Variants in SLCO6A1 observed in about 807,000 individuals in gnomAD.
SLCO6A1 encodes the protein solute carrier organic anion transporter family member 6A1.
A neutral mutation model predicts 72.7 loss-of-function variants in SLCO6A1; 65 were observed. The observed-to-expected ratio is 0.89, with a 90% CI of 0.73 to 1.10. The LOEUF is 1.10. SLCO6A1 is among the 50% of genes least tolerant of loss of function. The probability of loss-of-function intolerance (pLI) is 0.00; values close to 1 mark genes in which losing one functional copy is unlikely to be tolerated. For missense variants in SLCO6A1, 874 were observed against 872.6 expected, an observed-to-expected ratio of 1.00 and a Z score of -0.02; for synonymous variants, 314 against 298.2, an observed-to-expected ratio of 1.05 and a Z score of -0.55.
chr5:102,415,978 A>G (rs1748261817), intron 8 of SLCO6A1, among the ~76,000 whole-genome samples: 2 of 152,144 alleles, frequency 1.3e-5, no homozygotes, highest in African/African-American at 2.4e-5. Flanking sequence ...TTGATCATCA[A>G]ACAAATGCAA....
intron 1 of SLCO6A1, among the ~76,000 whole-genome samples, chr5:102,495,918 T>G (rs1038271523): frequency 1.3e-5 from 2 of 152,136 alleles, no homozygotes; most frequent in Non-Finnish European, 2.9e-5. Flanking sequence ...GAAGAAAGTA[T>G]GAGGAAGTGT....
chr5:102,452,159 T>G (rs1750449080), intron 6 of SLCO6A1, among the ~76,000 whole-genome samples: 1 of 152,180 alleles, frequency 6.6e-6, no homozygotes, highest in African/African-American at 2.4e-5. Context: ...TGAGTCCTAT[T>G]ATGCAAATAT....
intron 8 of SLCO6A1, 120 bp downstream of exon 8, chr5:102,419,706 T>C (rs1748481173): frequency 1.3e-6 from 1 of 799,960 alleles, no homozygotes; most frequent in Non-Finnish European, 1.9e-6. Flanking sequence ...CTTTTATGTG[T>C]TTGATAATTC....
At chr5:102,403,232 G>A (rs2112559947) in intron 9 of SLCO6A1, among the ~76,000 whole-genome samples, 1 of 152,224 alleles carries the variant, frequency 6.6e-6, no homozygotes, top group South Asian at 2.1e-4. Flanking sequence ...TGTGAGCCTT[G>A]AACAGGAGTA....
chr5:102,384,592 T>G (rs1746303984), intron 12 of SLCO6A1, among the ~76,000 whole-genome samples: 1 of 152,158 alleles, frequency 6.6e-6, no homozygotes, highest in Admixed American at 6.5e-5. Flanking sequence ...TGTTTTATGC[T>G]GATAACCACT....
At chr5:102,383,765 G>A (rs1169314318) in intron 12 of SLCO6A1, among the ~76,000 whole-genome samples, 1 of 151,822 alleles carries the variant, frequency 6.6e-6, no homozygotes, top group Non-Finnish European at 1.5e-5. Flanking sequence ...GTTTGAGAAA[G>A]GTTAGTATTA....
At chr5:102,470,497 G>A (rs1231929846) in intron 4 of SLCO6A1, among the ~76,000 whole-genome samples, 2 of 152,174 alleles carry the variant, frequency 1.3e-5, no homozygotes, top group Non-Finnish European at 2.9e-5. Context: ...TGTGGGATCA[G>A]TGGTGATATC....
chr5:102,460,898 T>TCATA (rs1750991644), intron 4 of SLCO6A1, among the ~76,000 whole-genome samples: 2 of 32,586 alleles, frequency 6.1e-5, no homozygotes, highest in South Asian at 9.3e-4. Flanking sequence ...CCCACTTATC[T>TCATA]CATATATATA....
At chr5:102,399,441 C>T in intron 10 of SLCO6A1, 114 bp downstream of exon 10, 1 of 655,894 alleles carries the variant, frequency 1.5e-6, no homozygotes, top group Non-Finnish European at 2.2e-6. Flanking sequence ...TTTTCCTCTG[C>T]ATTTGCTACC....
chr5:102,429,521 C>T (rs10223244), intron 7 of SLCO6A1, among the ~76,000 whole-genome samples: 10,937 of 152,104 alleles, frequency 0.072, 453 homozygotes, highest in African/African-American at 0.1. Flanking sequence ...CTTCTGCATA[C>T]GGCTTGCCAG....
chr5:102,397,951 T>C (rs1747187969), intron 10 of SLCO6A1, among the ~76,000 whole-genome samples: 1 of 152,172 alleles, frequency 6.6e-6, no homozygotes, highest in Non-Finnish European at 1.5e-5. Context: ...TCTAGAATAT[T>C]ACTATTATCT....
chr5:102,412,611 A>T (rs1264925991), intron 9 of SLCO6A1, among the ~76,000 whole-genome samples: 1 of 152,052 alleles, frequency 6.6e-6, no homozygotes, highest in Non-Finnish European at 1.5e-5. Flanking sequence ...AATTACAAAA[A>T]TTAGCTGTGT....
chr5:102,459,865 G>T, intron 4 of SLCO6A1, 88 bp from the exon 5 acceptor site: 1 of 1,164,308 alleles, frequency 8.6e-7, no homozygotes, highest in Non-Finnish European at 1.2e-6. Flanking sequence ...GAAAGTGAGA[G>T]TGAGAGAGGG....
chr5:102,454,970 T>G (rs1750623011), intron 6 of SLCO6A1, among the ~76,000 whole-genome samples: 1 of 142,938 alleles, frequency 7.0e-6, no homozygotes, highest in South Asian at 2.1e-4. Flanking sequence ...CATACACATT[T>G]GTTTTAGGAT....
intron 9 of SLCO6A1, among the ~76,000 whole-genome samples, 157 bp downstream of exon 9, chr5:102,412,833 A>G (rs1488187900): frequency 6.6e-6 from 1 of 152,044 alleles, no homozygotes; most frequent in South Asian, 2.1e-4. Flanking sequence ...AGGGGAAAAT[A>G]AGAAAAAATA....
chr5:102,416,555 G>A (rs1183988902), intron 8 of SLCO6A1, among the ~76,000 whole-genome samples: 1 of 152,054 alleles, frequency 6.6e-6, no homozygotes, highest in Non-Finnish European at 1.5e-5. Context: ...AGAGTGGAAT[G>A]ATAGACCATG....
chr5:102,388,605 A>G, intron 12 of SLCO6A1, 83 bp downstream of exon 12: 1 of 1,068,280 alleles, frequency 9.4e-7, no homozygotes, highest in Admixed American at 3.4e-5. Flanking sequence ...ATGGTTTAAA[A>G]TTATAATTCT....
chr5:102,388,739 G>T lies in SLCO6A1; in HGVS notation c.1966C>A (p.Arg656Ser), dbSNP rs182381825. 2 of 1,604,646 alleles carry T rather than the reference G, an allele frequency of 1.2e-6. No individual in the cohort carries two copies. Among genetic ancestry groups the T allele is most frequent in the Non-Finnish European group, 1.7e-6 (2 of 1,176,542 alleles). The part of the protein sequence containing the change: ...RDVNKCGHTG[R>S]CWIYNKTKMA... The stretch of plus-strand genomic sequence containing the variant: ...TTTGTCTTGTTATATATCCAACAAC[G>T]TCCTGTGTGTCCACATTTATTAACA... The change falls in exon 12 of 14, where the codon CGT becomes AGT. Residue 656 changes from arginine to serine, a missense_variant. Coordinates refer to ENST00000506729, the MANE Select transcript of SLCO6A1 (RefSeq NM_173488.5).
chr5:102,427,268 A>G (rs1748943494), intron 7 of SLCO6A1, among the ~76,000 whole-genome samples: 1 of 152,150 alleles, frequency 6.6e-6, no homozygotes, highest in South Asian at 2.1e-4. Flanking sequence ...TGTATTAAAA[A>G]AAGATAAAAG....
Sources: allele counts gnomAD v4.1 joint callset (sites outside exome capture counted in the v4.1 genomes callset), GRCh38; gene constraint gnomAD v4.1.1; transcripts MANE v1.5; gene names NCBI Gene and HGNC (gene_info 2026-07-23, HGNC 2026-07-21).